CABLES1: variants seen among roughly 807,000 people sequenced by gnomAD.
CABLES1 encodes the protein Cdk5 and Abl enzyme substrate 1, also known as CDK5 and ABL1 enzyme substrate 1.
Under a neutral mutation model 57.8 loss-of-function variants are expected in CABLES1, and 36 were observed. That is an observed-to-expected ratio of 0.62 (90% confidence interval 0.48 to 0.82). The LOEUF (loss-of-function observed/expected upper bound fraction) is 0.82, where lower values mean the gene tolerates loss of function less well. CABLES1 is among the 40% of genes least tolerant of loss of function. The pLI is 0.00. For missense variants in CABLES1, 767 were observed against 836.6 expected, an observed-to-expected ratio of 0.92 and a Z score of 1.03; for synonymous variants, 374 against 363.0, an observed-to-expected ratio of 1.03 and a Z score of -0.35.
At chr18:23,225,183 G>A (rs2047519267) in intron 4 of CABLES1, among the ~76,000 whole-genome samples, 1 of 152,182 alleles carries the variant, frequency 6.6e-6, no homozygotes. Context: ...GAGCTATTAT[G>A]TTGCTCTTTC....
At chr18:23,208,319 C>T (rs1427109710) in intron 3 of CABLES1, among the ~76,000 whole-genome samples, 2 of 152,182 alleles carry the variant, frequency 1.3e-5, no homozygotes, top group Non-Finnish European at 2.9e-5. Flanking sequence ...GGAGGAAAAG[C>T]GTCCCCCCAA....
chr18:23,214,235 C>T (rs188261284), intron 4 of CABLES1, 181 bp downstream of exon 4: 5 of 563,682 alleles, frequency 8.9e-6, no homozygotes, highest in Admixed American at 3.5e-5. Flanking sequence ...AAAGCTTCCT[C>T]GTTGTGTGTG....
chr18:23,225,711 G>T (rs1257262548), intron 4 of CABLES1, among the ~76,000 whole-genome samples: 1 of 152,226 alleles, frequency 6.6e-6, no homozygotes. Context: ...AGGCCAGCCT[G>T]AATCTTTCTG....
In CABLES1 at chr18:23,188,848, A is replaced by C. The variant is rs1206469617; in HGVS notation, c.856A>C (p.Ile286Leu). ...TCCTTCTTTCTGCAGACGGCGCCTC[A>C]TCTCCCAGAGATCTTCCTTGGAGAC... ...EQLQRSRRRL[I>L]SQRSSLETLE... The change falls in exon 2 of 10, where the codon ATC becomes CTC. Residue 286 changes from isoleucine (I) to leucine (L), a missense_variant. Physicochemically the swap from Ile to Leu is conservative, Grantham distance 5. This residue lies in a region of CABLES1 where 529 missense variants were observed against 622.8 expected (regional missense o/e 0.85). Transcript: ENST00000256925. The C allele has an allele frequency of 6.2e-7, 1 of 1,613,724 alleles. No homozygotes were observed. Among genetic ancestry groups the C allele is most frequent in the South Asian group, 1.1e-5 (1 of 91,080 alleles).
At position 23,135,919 on chromosome 18, in the gene CABLES1, C is replaced by A; in HGVS notation, c.157C>A (p.Arg53=). The change falls in exon 1 of 10, where the codon CGG becomes AGG. Residue 53 remains arginine, a synonymous_variant. Transcript: ENST00000256925. ...GGCCCAGCCGCCGCCCGAACCCCCC[C>A]GGAAGCCGCGCATGGACCCGCGGCG... The part of the protein sequence containing the change: ...APAQPPPEPP[R]KPRMDPRRRQ... 9.1e-7 allele frequency: 1 copy of A among 1,096,042 alleles called. No individual in the cohort carries two copies. Among genetic ancestry groups the A allele is most frequent in the Admixed American group, 5.0e-5 (1 of 19,924 alleles). The allele number at this position is 1,096,042 out of a possible 1,614,324, so 67.9% of individuals were successfully genotyped here.
At chr18:23,217,326 T>G (rs1301388970) in intron 4 of CABLES1, among the ~76,000 whole-genome samples, 1 of 152,150 alleles carries the variant, frequency 6.6e-6, no homozygotes, top group Non-Finnish European at 1.5e-5. Context: ...CAAGTGATCC[T>G]CCTGCCTCGG....
At chr18:23,192,606 CAGGAAGCTCTGCTCCTGGGAA>C (rs2047252438) in intron 2 of CABLES1, among the ~76,000 whole-genome samples, 1 of 152,210 alleles carries the variant, frequency 6.6e-6, no homozygotes, top group East Asian at 1.9e-4. Context: ...TTGACTGGCC[CAGGAAGCTCTGCTCCTGGGAA>C]AGGAAGCCAG....
chr18:23,185,003 GA>G (rs1344173390), intron 1 of CABLES1, among the ~76,000 whole-genome samples: 1 of 152,210 alleles, frequency 6.6e-6, no homozygotes, highest in Non-Finnish European at 1.5e-5. Flanking sequence ...ATTTTGAGGG[GA>G]CACAGATGTT....
At chr18:23,219,394 C>A in intron 4 of CABLES1, 1 of 449,352 alleles carries the variant, frequency 2.2e-6, no homozygotes, top group Non-Finnish European at 4.5e-6. Context: ...TAGTGCCCAG[C>A]GAAGGCGATT....
intron 9 of CABLES1, 98 bp from the exon 10 acceptor site, chr18:23,257,129 G>A (rs2145148004): frequency 1.5e-6 from 2 of 1,373,494 alleles, no homozygotes; most frequent in Non-Finnish European, 1.0e-6. Flanking sequence ...GATTTCTCCT[G>A]AGCACTCACT....
intron 7 of CABLES1, among the ~76,000 whole-genome samples, chr18:23,242,506 A>G (rs2047760854): frequency 6.6e-6 from 1 of 152,236 alleles, no homozygotes; most frequent in Non-Finnish European, 1.5e-5. Context: ...ATGTATCATT[A>G]GAACGTGGCA....
chr18:23,187,876 A>G (rs2047214255), intron 1 of CABLES1, among the ~76,000 whole-genome samples: 1 of 152,210 alleles, frequency 6.6e-6, no homozygotes, highest in Admixed American at 6.5e-5. Context: ...ACAAAAAAAC[A>G]CCAAAAAGTC....
intron 7 of CABLES1, among the ~76,000 whole-genome samples, chr18:23,243,468 G>GTTTTTTTTTTTTTTTT (rs551293348): frequency 9.8e-6 from 1 of 101,874 alleles, no homozygotes; most frequent in Non-Finnish European, 2.0e-5. Flanking sequence ...TGGGTTTGGT[G>GTTTTTTTTTTTTTTTT]TTTTTTTTTT....
chr18:23,236,720 C>T (rs1966656), intron 6 of CABLES1, among the ~76,000 whole-genome samples: 28,928 of 152,108 alleles, frequency 0.19, 3,331 homozygotes, highest in Middle Eastern at 0.26. Context: ...TGTATTCATA[C>T]GGACACAATA....
chr18:23,228,252 G>A (rs961488537), intron 4 of CABLES1, among the ~76,000 whole-genome samples: 3 of 152,282 alleles, frequency 2.0e-5, no homozygotes, highest in African/African-American at 7.2e-5. Context: ...CAGCTGGCTG[G>A]GCCTCTGCCA....
At chr18:23,192,656 C>T (rs1406752125) in intron 2 of CABLES1, among the ~76,000 whole-genome samples, 1 of 152,218 alleles carries the variant, frequency 6.6e-6, no homozygotes, top group Non-Finnish European at 1.5e-5. Context: ...TATAAGGATG[C>T]TTCTGAACCC....
chr18:23,137,252 G>A lies in CABLES1; in HGVS notation c.845+645G>A, dbSNP rs747823769. ...CCTATTCCAAGATGAATTTGCTTGA[G>A]TTCGTTAAACGCTTGTTTTACTTGT... On this transcript the variant is annotated intron_variant, in intron 1 of 9. Coordinates refer to ENST00000256925, the MANE Select transcript of CABLES1 (RefSeq NM_001100619.3). Among the ~76,000 whole-genome samples the A allele has an allele frequency of 3.3e-5, 5 of 152,354 alleles. No homozygotes were observed. In the South Asian group the frequency reaches 1.0e-3, roughly 32 times the overall value.
chr18:23,137,891 T>G (rs573329290), intron 1 of CABLES1, among the ~76,000 whole-genome samples: 2 of 152,270 alleles, frequency 1.3e-5, no homozygotes, highest in South Asian at 4.2e-4. Flanking sequence ...TTAGCGACAC[T>G]GGGCACAGGT....
In CABLES1 at chr18:23,175,227, G is replaced by A. The variant is rs2047114616; in HGVS notation, c.846-13611G>A. 2.0e-5 allele frequency among the ~76,000 whole-genome samples: 3 copies of A among 152,256 alleles called. No individual in the cohort carries two copies. The South Asian group carries it at 6.2e-4, about 32-fold the overall frequency. On this transcript the variant is annotated intron_variant, in intron 1 of 9. Transcript: ENST00000256925. ...CAGCTACACTGCTCTAACAGTGATT[G>A]AGATATAAGTCAATATTATACTCTC...
Sources: allele counts gnomAD v4.1 joint callset (sites outside exome capture counted in the v4.1 genomes callset), GRCh38; gene constraint gnomAD v4.1.1; regional missense constraint gnomAD v4.1.1; transcripts MANE v1.5; gene names NCBI Gene and HGNC (gene_info 2026-07-23, HGNC 2026-07-21).